Variants in WDR7 observed in about 807,000 individuals in gnomAD.
WDR7 encodes WD repeat domain 7.
A neutral mutation model predicts 169.4 loss-of-function variants in WDR7; 46 were observed. The ratio of observed to expected loss-of-function variants is 0.27; its 90% CI spans 0.21 to 0.35. The LOEUF is 0.35. Among genes scored for constraint, WDR7 ranks in the 10% least tolerant of loss-of-function variants. WDR7 has a pLI of 1.00. For synonymous variants in WDR7, 612 were observed against 666.8 expected, an observed-to-expected ratio of 0.92 and a Z score of 1.27; for missense variants, 1,534 against 1,859.3, an observed-to-expected ratio of 0.83 and a Z score of 3.22.
chr18:56,895,737 A>T (rs920937069), intron 21 of WDR7, among the ~76,000 whole-genome samples: 1 of 151,842 alleles, frequency 6.6e-6, no homozygotes, highest in Non-Finnish European at 1.5e-5. Flanking sequence ...AAATGAAGAG[A>T]AAAAAAGAAT....
chr18:56,705,339 G>A (rs543193711), intron 12 of WDR7, among the ~76,000 whole-genome samples: 17 of 151,726 alleles, frequency 1.1e-4, no homozygotes, highest in Non-Finnish European at 2.2e-4. Context: ...GAGGGAGCCA[G>A]ACCAGCAAAC....
At chr18:56,972,248 A>C (rs1378336979) in intron 26 of WDR7, among the ~76,000 whole-genome samples, 2 of 152,184 alleles carry the variant, frequency 1.3e-5, no homozygotes, top group East Asian at 3.9e-4. Context: ...GAAGTTTGGA[A>C]AGCAATGTGT....
chr18:57,012,086 T>G (rs930867480), intron 26 of WDR7, among the ~76,000 whole-genome samples: 1 of 152,060 alleles, frequency 6.6e-6, no homozygotes, highest in African/African-American at 2.4e-5. Flanking sequence ...GGCCTGGGTA[T>G]CTGGGGAAAT....
intron 14 of WDR7, among the ~76,000 whole-genome samples, chr18:56,751,996 T>A (rs1476985221): frequency 2.0e-5 from 3 of 152,212 alleles, no homozygotes; most frequent in Non-Finnish European, 4.4e-5. Flanking sequence ...TAGCCAACAT[T>A]GCTGGTAGAT....
chr18:56,958,295 T>G (rs1033001924), intron 25 of WDR7, among the ~76,000 whole-genome samples: 3 of 152,176 alleles, frequency 2.0e-5, no homozygotes, highest in Admixed American at 2.0e-4. Flanking sequence ...AAGAACTGGA[T>G]TGTATCACTC....
intron 26 of WDR7, among the ~76,000 whole-genome samples, chr18:56,974,765 G>A (rs2145812653): frequency 6.6e-6 from 1 of 152,296 alleles, no homozygotes; most frequent in South Asian, 2.1e-4. Context: ...ATGGCACTAT[G>A]AAATGCAAAA....
intron 26 of WDR7, among the ~76,000 whole-genome samples, chr18:56,971,464 T>G (rs1450092605): frequency 2.6e-5 from 4 of 152,126 alleles, no homozygotes; most frequent in Non-Finnish European, 5.9e-5. Context: ...GATCAAAAAG[T>G]AAATATGAAC....
intron 21 of WDR7, among the ~76,000 whole-genome samples, chr18:56,881,877 C>T (rs2046112990): frequency 6.6e-6 from 1 of 152,218 alleles, no homozygotes; most frequent in South Asian, 2.1e-4. Context: ...TGAGCCACTG[C>T]ACCTGGCTAT....
At chr18:56,723,200 T>C in intron 13 of WDR7, among the ~76,000 whole-genome samples, 1 of 150,618 alleles carries the variant, frequency 6.6e-6, no homozygotes, top group African/African-American at 2.4e-5. Flanking sequence ...ATTGCTTTTT[T>C]CTTTCCTTTT....
intron 21 of WDR7, among the ~76,000 whole-genome samples, chr18:56,894,872 G>A (rs959735684): frequency 6.6e-6 from 1 of 151,864 alleles, no homozygotes; most frequent in Non-Finnish European, 1.5e-5. Context: ...ATGATATATT[G>A]TCCAATATAA....
chr18:56,878,877 T>G (rs2046065874), intron 20 of WDR7, among the ~76,000 whole-genome samples: 1 of 152,246 alleles, frequency 6.6e-6, no homozygotes, highest in African/African-American at 2.4e-5. Flanking sequence ...TTTTGTGGCA[T>G]GTATCATTAC....
At chr18:56,917,038 A>T (rs142670921) in intron 21 of WDR7, among the ~76,000 whole-genome samples, 2,138 of 152,276 alleles carry the variant, frequency 0.014, 31 homozygotes, top group East Asian at 0.038. Context: ...TGTACTAAAG[A>T]TACAAAAAAT....
chr18:56,722,888 C>A (rs2026354442), intron 13 of WDR7, among the ~76,000 whole-genome samples: 1 of 152,082 alleles, frequency 6.6e-6, no homozygotes, highest in Non-Finnish European at 1.5e-5. Flanking sequence ...ATTGGGTACC[C>A]TGCCTACTCT....
intron 14 of WDR7, among the ~76,000 whole-genome samples, chr18:56,752,998 A>T (rs2144917107): frequency 6.6e-6 from 1 of 152,316 alleles, no homozygotes; most frequent in South Asian, 2.1e-4. Flanking sequence ...GTGAGAGATG[A>T]ACTTGGAAGG....
At chr18:56,662,624 A>G (rs1236253828) in intron 1 of WDR7, among the ~76,000 whole-genome samples, 1 of 152,146 alleles carries the variant, frequency 6.6e-6, no homozygotes, top group Non-Finnish European at 1.5e-5. Flanking sequence ...CTTGCCCACA[A>G]CGTTCACTTG....
At chr18:56,694,539 T>C (rs962495868) in intron 9 of WDR7, 80 bp from the exon 10 acceptor site, 1 of 1,400,136 alleles carries the variant, frequency 7.1e-7, no homozygotes, top group African/African-American at 1.4e-5. Flanking sequence ...TTACCTAATA[T>C]CTTTGTTTGA....
chr18:56,834,524 A>G (rs1388443483), intron 20 of WDR7, among the ~76,000 whole-genome samples: 1 of 150,694 alleles, frequency 6.6e-6, no homozygotes, highest in Non-Finnish European at 1.5e-5. Flanking sequence ...TTGTCCTTCA[A>G]CAATATCTCG....
At chr18:56,872,615 A>G (rs1199169734) in intron 20 of WDR7, 1 of 152,162 alleles carries the variant, frequency 6.6e-6, no homozygotes, top group Non-Finnish European at 1.5e-5. Context: ...CACACAGAAC[A>G]TGTATTCTGT....
At chr18:56,795,388 T>G (rs1233980495) in intron 19 of WDR7, among the ~76,000 whole-genome samples, 1 of 152,226 alleles carries the variant, frequency 6.6e-6, no homozygotes, top group Non-Finnish European at 1.5e-5. Context: ...TCTTGCTGTT[T>G]GTTCACTGTT....
Sources: gnomAD v4.1 joint callset for allele counts (sites outside exome capture counted in the v4.1 genomes callset) on GRCh38, gnomAD v4.1.1 for gene constraint, MANE v1.5 for transcripts, NCBI Gene and HGNC (gene_info 2026-07-23, HGNC 2026-07-21) for gene names.